The following ZRANB3 variants were observed in gnomAD, a reference collection of about 807,000 sequenced individuals.
ZRANB3 encodes DNA annealing helicase and endonuclease ZRANB3.
ZRANB3 carries 125 observed loss-of-function variants against 133.8 expected under a neutral mutation model. The ratio of observed to expected loss-of-function variants is 0.93; its 90% CI spans 0.81 to 1.08. The LOEUF (loss-of-function observed/expected upper bound fraction) is 1.08, where lower values mean the gene tolerates loss of function less well. Ranked by LOEUF, ZRANB3 falls within the 50% of genes least tolerant of loss-of-function variation. The probability of loss-of-function intolerance (pLI) is 0.00; values close to 1 mark genes in which losing one functional copy is unlikely to be tolerated. For synonymous variants in ZRANB3, 387 were observed against 432.7 expected, an observed-to-expected ratio of 0.89 and a Z score of 1.31; for missense variants, 1,229 against 1,275.5, an observed-to-expected ratio of 0.96 and a Z score of 0.56.
intron 2 of ZRANB3, among the ~76,000 whole-genome samples, chr2:135,445,335 T>C (rs900388381): frequency 6.6e-6 from 1 of 151,432 alleles, no homozygotes; most frequent in Non-Finnish European, 1.5e-5. Context: ...TTCCAGCTAA[T>C]GGGGAGGCTG....
chr2:135,316,109 A>C (rs762141247), intron 6 of ZRANB3, among the ~76,000 whole-genome samples: 1 of 152,210 alleles, frequency 6.6e-6, no homozygotes, highest in Non-Finnish European at 1.5e-5. Flanking sequence ...CAAAATTACT[A>C]TGAAAGAGAG....
chr2:135,520,384 G>C (rs1232085544), intron 1 of ZRANB3, among the ~76,000 whole-genome samples: 1 of 150,808 alleles, frequency 6.6e-6, no homozygotes, highest in Non-Finnish European at 1.5e-5. Flanking sequence ...GACAGAGTAA[G>C]ACTCCACCTC....
At chr2:135,271,732 C>T in intron 10 of ZRANB3, 36 bp downstream of exon 10, 1 of 1,581,250 alleles carries the variant, frequency 6.3e-7, no homozygotes, top group Non-Finnish European at 8.6e-7. Context: ...ATTTCAATGA[C>T]ATTTCATAAC....
chr2:135,217,192 G>T (rs1362705690), intron 17 of ZRANB3, among the ~76,000 whole-genome samples: 1 of 152,118 alleles, frequency 6.6e-6, no homozygotes, highest in African/African-American at 2.4e-5. Flanking sequence ...GCAGGTCATA[G>T]GTTGCACCAT....
intron 2 of ZRANB3, among the ~76,000 whole-genome samples, chr2:135,450,295 TAAA>T (rs11298818): frequency 8.8e-5 from 12 of 136,116 alleles, no homozygotes; most frequent in Admixed American, 6.6e-4. Context: ...AAAATAAAAT[TAAA>T]AAAAAAAAAA....
At chr2:135,483,029 T>C (rs1272199571) in intron 2 of ZRANB3, among the ~76,000 whole-genome samples, 1 of 152,192 alleles carries the variant, frequency 6.6e-6, no homozygotes. Flanking sequence ...CAATATTTTA[T>C]TGAGGATTTT....
chr2:135,386,931 G>A (rs1230703084), intron 3 of ZRANB3, among the ~76,000 whole-genome samples: 1 of 151,070 alleles, frequency 6.6e-6, no homozygotes, highest in African/African-American at 2.4e-5. Flanking sequence ...CATGGCACAT[G>A]TATACCTATG....
At chr2:135,317,117 T>C (rs1247480480) in intron 6 of ZRANB3, among the ~76,000 whole-genome samples, 2 of 151,806 alleles carry the variant, frequency 1.3e-5, no homozygotes, top group Non-Finnish European at 2.9e-5. Flanking sequence ...GTTTAAAAAA[T>C]CTAAGTGCTG....
intron 6 of ZRANB3, among the ~76,000 whole-genome samples, chr2:135,332,323 T>C (rs1684186329): frequency 6.6e-6 from 1 of 152,160 alleles, no homozygotes; most frequent in Non-Finnish European, 1.5e-5. Flanking sequence ...CTAATTCTTT[T>C]AGAACATGAC....
At position 135,515,766 on chromosome 2, in the gene ZRANB3, C is replaced by T. The variant is rs536908588; in HGVS notation, c.-7-11270G>A. On this transcript the variant is annotated intron_variant, in intron 1 of 20. Coordinates refer to ENST00000264159, the MANE Select transcript of ZRANB3 (RefSeq NM_032143.4). ...TAAGAATGTATATTCTGTTGATTTG[C>T]GGTGGAGAATTCTATAGACGTCTAT... Among the ~76,000 whole-genome samples the T allele has an allele frequency of 5.9e-5, 9 of 152,116 alleles. No individual in the cohort carries two copies. The East Asian group carries it at 9.7e-4, about 16-fold the overall frequency.
chr2:135,474,020 A>T (rs948814807), intron 2 of ZRANB3, among the ~76,000 whole-genome samples: 14 of 152,048 alleles, frequency 9.2e-5, no homozygotes, highest in African/African-American at 2.9e-4. Context: ...CCCTGTCTCT[A>T]CCAAAAACAA....
chr2:135,463,587 TTTTG>T (rs1690858362), intron 2 of ZRANB3, among the ~76,000 whole-genome samples: 1 of 152,034 alleles, frequency 6.6e-6, no homozygotes, highest in Non-Finnish European at 1.5e-5. Flanking sequence ...CCGGCTAATT[TTTTG>T]TTTATCGTAG....
At chr2:135,465,181 G>A (rs906694719) in intron 2 of ZRANB3, among the ~76,000 whole-genome samples, 4 of 152,130 alleles carry the variant, frequency 2.6e-5, no homozygotes, top group Non-Finnish European at 4.4e-5. Context: ...AATCCAAAGC[G>A]GACTTATCAA....
chr2:135,214,971 G>T (rs1694245000), intron 17 of ZRANB3, among the ~76,000 whole-genome samples: 1 of 152,188 alleles, frequency 6.6e-6, no homozygotes, highest in Non-Finnish European at 1.5e-5. Context: ...AGGCTGGAGT[G>T]CAGTGGCACG....
In ZRANB3 at chr2:135,230,663, T is replaced by A; in HGVS notation, c.1804A>T (p.Thr602Ser). 1.2e-6 allele frequency: 2 copies of A among 1,613,576 alleles called. No individual in the cohort carries two copies. Among genetic ancestry groups the A allele is most frequent in the South Asian group, 2.2e-5 (2 of 90,936 alleles). ...ETPSQSKQIR[T>S]PLVESVQEAK... ...TCCTGTACACTTTCCACGAGTGGAGTTCGGATTTGCTTGGACTGGGATGGT... is the reference window on the plus strand; with the variant it reads ...TCCTGTACACTTTCCACGAGTGGAGATCGGATTTGCTTGGACTGGGATGGT... The change falls in exon 13 of 21, where the codon ACT (threonine) becomes TCT (serine). Residue 602 changes from threonine to serine, a missense_variant. Thr to Ser is a moderately conservative substitution (Grantham distance 58). Transcript: ENST00000264159.
chr2:135,352,994 TATAA>T (rs1685276644), intron 4 of ZRANB3, among the ~76,000 whole-genome samples: 1 of 152,188 alleles, frequency 6.6e-6, no homozygotes, highest in East Asian at 1.9e-4. Flanking sequence ...ATATTAAAAT[TATAA>T]ATAAGGAAAA....
chr2:135,373,818 C>T (rs56003407), intron 3 of ZRANB3, among the ~76,000 whole-genome samples: 1 of 43,346 alleles, frequency 2.3e-5, no homozygotes, highest in African/African-American at 6.4e-5. Flanking sequence ...GGGGAGGGGA[C>T]GGGAGGGGAA....
intron 3 of ZRANB3, among the ~76,000 whole-genome samples, chr2:135,369,634 C>T (rs1686081087): frequency 6.6e-6 from 1 of 152,074 alleles, no homozygotes; most frequent in Admixed American, 6.5e-5. Context: ...AGAAACTCAA[C>T]ATTTGTAAAG....
rs777921253 is a variant in ZRANB3 at position 135,207,758 on chromosome 2, A to G, written c.2685T>C (p.Ser895=). 2 of 1,613,918 alleles carry G rather than the reference A, an allele frequency of 1.2e-6. No homozygotes were observed. Among genetic ancestry groups the G allele is most frequent in the East Asian group, 4.5e-5 (2 of 44,898 alleles). ...CAGCTTGCAAATAGCCTTTGGATGT[A>G]GAGGGCTTCACAGTGAGATCTGCCT... is the stretch of plus-strand genomic sequence containing the variant. ...TVQADLTVKP[S]TSKGYLQAVD... is the part of the protein sequence containing the mutation. The change falls in exon 19 of 21, where the codon TCT becomes TCC. Residue 895 remains serine (S), a synonymous_variant. Transcript: ENST00000264159.
Sources: allele counts gnomAD v4.1 joint callset (sites outside exome capture counted in the v4.1 genomes callset), GRCh38; gene constraint gnomAD v4.1.1; transcripts MANE v1.5; gene names NCBI Gene and HGNC (gene_info 2026-07-23, HGNC 2026-07-21).